The following HDAC4 variants were observed in gnomAD, a reference collection of about 807,000 sequenced individuals.
HDAC4 encodes the protein histone deacetylase A.
In HDAC4, 16 loss-of-function variants were observed where a neutral mutation model predicts 135.1. That is an observed-to-expected ratio of 0.12 (90% CI 0.08 to 0.18). HDAC4 has a LOEUF of 0.18. Ranked by LOEUF, HDAC4 falls within the 10% of genes least tolerant of loss-of-function variation. The probability of loss-of-function intolerance (pLI) is 1.00; values close to 1 mark genes in which losing one functional copy is unlikely to be tolerated. For synonymous variants in HDAC4, 685 were observed against 653.4 expected, an observed-to-expected ratio of 1.05 and a Z score of -0.74; for missense variants, 1,143 against 1,511.8, an observed-to-expected ratio of 0.76 and a Z score of 4.05.
intron 2 of HDAC4, among the ~76,000 whole-genome samples, chr2:239,275,374 G>A (rs753207477): frequency 1.3e-5 from 2 of 152,272 alleles, no homozygotes; most frequent in African/African-American, 2.4e-5. Flanking sequence ...CAAGCACAGG[G>A]CTCACCCAGA....
In HDAC4 at chr2:239,303,127, G is replaced by A. The variant is rs1016373149; in HGVS notation, c.22+49551C>T. On this transcript the variant is annotated intron_variant, in intron 2 of 26. Coordinates refer to ENST00000543185, the MANE Select transcript of HDAC4 (RefSeq NM_001378414.1). The surrounding 1 kb of genome is among the most constrained non-coding windows in gnomAD (Gnocchi z 5.1). ...TTCAGGGTGGGCCCCTGGATTCAAA[G>A]TGGCAACAGAGCCTGACTCCAGCCT... Among the ~76,000 whole-genome samples the A allele has an allele frequency of 1.3e-5, 2 of 152,196 alleles. No homozygotes were observed. The highest frequency in any genetic ancestry group is 4.8e-5 in the African/African-American group (2 of 41,462).
At position 239,102,761 on chromosome 2, in the gene HDAC4, A is replaced by G. The variant is rs1463804419; in HGVS notation, c.2233+15T>C. ...TTCAAACCCAATATGGGAGGAAAGG[A>G]AGGTCCTGAAATACCTAGAAGTTTC... On this transcript the variant is annotated intron_variant, in intron 16 of 26. Coordinates refer to ENST00000543185, the MANE Select transcript of HDAC4 (RefSeq NM_001378414.1). 1 of 1,613,610 alleles carries G rather than the reference A, an allele frequency of 6.2e-7. No homozygotes were observed. The highest frequency in any genetic ancestry group is 8.5e-7 in the Non-Finnish European group (1 of 1,179,980).
At chr2:239,137,690 C>T (rs2041069344) in intron 9 of HDAC4, among the ~76,000 whole-genome samples, 1 of 152,194 alleles carries the variant, frequency 6.6e-6, no homozygotes, top group Non-Finnish European at 1.5e-5. Context: ...ACACTCTGCA[C>T]CACGTGAGAA....
At chr2:239,392,153 G>A (rs550820761) in intron 1 of HDAC4, among the ~76,000 whole-genome samples, 40 of 152,360 alleles carry the variant, frequency 2.6e-4, no homozygotes, top group African/African-American at 8.2e-4. Flanking sequence ...GGGCATGCAC[G>A]TAACGGCTCT....
chr2:239,083,301 C>T (rs2035538324), intron 20 of HDAC4, among the ~76,000 whole-genome samples: 1 of 152,360 alleles, frequency 6.6e-6, no homozygotes, highest in East Asian at 1.9e-4. Context: ...CCAGGCACTC[C>T]TACCTGCTCC....
chr2:239,188,145 C>T (rs1186362653), intron 4 of HDAC4, among the ~76,000 whole-genome samples: 1 of 152,214 alleles, frequency 6.6e-6, no homozygotes, highest in African/African-American at 2.4e-5. Context: ...TCCGGGCTCA[C>T]CTTTGAAGCA....
intron 3 of HDAC4, among the ~76,000 whole-genome samples, chr2:239,234,827 AC>A (rs1305193942): frequency 6.6e-6 from 1 of 151,986 alleles, no homozygotes; most frequent in African/African-American, 2.4e-5. Context: ...TTTGAAGCCC[AC>A]CTTTTTTGGT....
chr2:239,189,751 C>T lies in HDAC4; in HGVS notation c.339+82G>A, dbSNP rs77515048. ...GCATCATGCCTGGGGCCCCAGCACA[C>T]TCCGCGGAGGCAGGGCTGGAGTCAC... On this transcript the variant is annotated intron_variant, in intron 4 of 26. Coordinates refer to ENST00000543185, the MANE Select transcript of HDAC4 (RefSeq NM_001378414.1). 3,597 of 1,406,098 alleles carry T rather than the reference C, an allele frequency of 2.6e-3. 66 individuals are homozygous for T. The African/African-American group carries it at 0.042, about 16-fold the overall frequency. The allele number at this position is 1,406,098 out of a possible 1,614,324, so 87.1% of individuals were successfully genotyped here. A position where few individuals can be genotyped will look rare whatever the true frequency, so the allele number is the denominator to read the frequency against.
At chr2:239,112,204 T>G (rs1010335762) in intron 13 of HDAC4, among the ~76,000 whole-genome samples, 4 of 152,134 alleles carry the variant, frequency 2.6e-5, no homozygotes, top group Admixed American at 2.6e-4. Flanking sequence ...GAAGGCCATG[T>G]AGATGTGGGG....
At chr2:239,228,197 C>T (rs74000540) in intron 3 of HDAC4, among the ~76,000 whole-genome samples, 5,458 of 152,264 alleles carry the variant, frequency 0.036, 348 homozygotes, top group African/African-American at 0.12. Context: ...TTGCTGCCTG[C>T]GCCCTGGCCC....
chr2:239,367,347 C>T (rs868076923), intron 1 of HDAC4, among the ~76,000 whole-genome samples: 20 of 152,156 alleles, frequency 1.3e-4, no homozygotes, highest in Admixed American at 1.2e-3. Flanking sequence ...CTTCTCACGA[C>T]GCTTTGTGTT....
At position 239,102,359 on chromosome 2, in the gene HDAC4, C is replaced by T. The variant is rs2037746457; in HGVS notation, c.2233+417G>A. Reference sequence around the variant, plus strand: ...CTGTGCAGGTGCTTTCAGCCAGAGCCAAGACACCAGCAGCCTTTCACCCCT... The same window carrying T: ...CTGTGCAGGTGCTTTCAGCCAGAGCTAAGACACCAGCAGCCTTTCACCCCT... On this transcript the variant is annotated intron_variant, in intron 16 of 26. Transcript: ENST00000543185. Among the ~76,000 whole-genome samples the T allele has an allele frequency of 1.3e-5, 2 of 152,186 alleles. 1 individual carries two copies. The highest frequency in any genetic ancestry group is 4.8e-5 in the African/African-American group (2 of 41,448).
At position 239,307,988 on chromosome 2, in the gene HDAC4, G is replaced by A. The variant is rs1193526022; in HGVS notation, c.22+44690C>T. Among the ~76,000 whole-genome samples the A allele has an allele frequency of 6.6e-6, 1 of 152,124 alleles. No individual in the cohort carries two copies. The highest frequency in any genetic ancestry group is 1.9e-4 in the East Asian group (1 of 5,178). The stretch of plus-strand genomic sequence containing the variant: ...AAAGTGTCCCCATCCCCCCCAAAGT[G>A]AGCGGCCACACAGCAATGAGTGGCC... On this transcript the variant is annotated intron_variant, in intron 2 of 26. Coordinates refer to ENST00000543185, the MANE Select transcript of HDAC4 (RefSeq NM_001378414.1). This position sits in a 1 kb window ranked among gnomAD's most constrained non-coding sequence, Gnocchi z 4.8.
chr2:239,340,330 A>G (rs140628159), intron 2 of HDAC4, among the ~76,000 whole-genome samples: 2 of 152,336 alleles, frequency 1.3e-5, no homozygotes. Flanking sequence ...AAAGGGAACC[A>G]AATCACAGAT....
At chr2:239,370,820 AATG>A (rs1334013086) in intron 1 of HDAC4, among the ~76,000 whole-genome samples, 2 of 152,200 alleles carry the variant, frequency 1.3e-5, no homozygotes, top group Non-Finnish European at 2.9e-5. Context: ...GTCTTTTCAA[AATG>A]ATGATGATTA....
At chr2:239,386,974 C>T (rs992711275) in intron 1 of HDAC4, among the ~76,000 whole-genome samples, 3 of 152,226 alleles carry the variant, frequency 2.0e-5, no homozygotes, top group African/African-American at 7.2e-5. Flanking sequence ...CCAGGAATCA[C>T]GCCAGAGGAG....
intron 13 of HDAC4, among the ~76,000 whole-genome samples, chr2:239,113,931 T>A (rs1476588400): frequency 2.0e-5 from 3 of 151,686 alleles, no homozygotes; most frequent in African/African-American, 7.3e-5. Flanking sequence ...CAGGCCCCCC[T>A]CTGAACAAGA....
intron 2 of HDAC4, among the ~76,000 whole-genome samples, chr2:239,260,179 T>C (rs2049272323): frequency 1.3e-5 from 2 of 152,204 alleles, no homozygotes; most frequent in Admixed American, 6.5e-5. Flanking sequence ...GCGGACCGCG[T>C]GTCCAGACTC....
intron 2 of HDAC4, among the ~76,000 whole-genome samples, chr2:239,246,954 G>C (rs62188572): frequency 0.12 from 17,804 of 152,340 alleles, 1,162 homozygotes; most frequent in Non-Finnish European, 0.14. Context: ...CATGCACCGT[G>C]TGCAGTTTCA....
Sources: allele counts gnomAD v4.1 joint callset (sites outside exome capture counted in the v4.1 genomes callset), GRCh38; gene constraint gnomAD v4.1.1; non-coding constraint Gnocchi (gnomAD v3.1); transcripts MANE v1.5; gene names NCBI Gene and HGNC (gene_info 2026-07-23, HGNC 2026-07-21).